The following PKNOX2 variants were observed in gnomAD, a reference collection of about 807,000 sequenced individuals.
PKNOX2 encodes homeobox protein PKNOX2.
Under a neutral mutation model 53.1 loss-of-function variants are expected in PKNOX2, and 14 were observed. The ratio of observed to expected loss-of-function variants is 0.26; its 90% CI spans 0.17 to 0.41. The LOEUF (loss-of-function observed/expected upper bound fraction) is 0.41, where lower values mean the gene tolerates loss of function less well. Ranked by LOEUF, PKNOX2 falls within the 10% of genes least tolerant of loss-of-function variation. The probability of loss-of-function intolerance (pLI) is 1.00; values close to 1 mark genes in which losing one functional copy is unlikely to be tolerated. For synonymous variants in PKNOX2, 257 were observed against 242.8 expected (o/e 1.06, Z -0.54); for missense variants, 496 against 602.8 (o/e 0.82, Z 1.85).
chr11:125,164,929 G>A (rs1190272360), intron 1 of PKNOX2, among the ~76,000 whole-genome samples, 153 bp downstream of exon 1: 4 of 151,852 alleles, frequency 2.6e-5, no homozygotes, highest in Non-Finnish European at 5.9e-5. Context: ...GGGCAAGGAG[G>A]AGAGAGGGAG....
chr11:125,413,582 G>T (rs1039118251), intron 10 of PKNOX2, among the ~76,000 whole-genome samples: 33 of 152,164 alleles, frequency 2.2e-4, no homozygotes, highest in African/African-American at 8.0e-4. Context: ...TACGATGCAG[G>T]GTCACAGGGG....
chr11:125,411,898 C>T (rs772324511), intron 10 of PKNOX2, 33 bp downstream of exon 10: 86 of 1,612,956 alleles, frequency 5.3e-5, no homozygotes, highest in Non-Finnish European at 6.5e-5. Flanking sequence ...TGTGGAGTCC[C>T]GGCATGGGGT....
At chr11:125,339,781 G>A (rs560620943) in intron 3 of PKNOX2, among the ~76,000 whole-genome samples, 1 of 152,364 alleles carries the variant, frequency 6.6e-6, no homozygotes, top group South Asian at 2.1e-4. Flanking sequence ...CGTTCCCGGA[G>A]CTCTGCTCCC....
At chr11:125,279,105 C>T (rs1242474358) in intron 2 of PKNOX2, among the ~76,000 whole-genome samples, 1 of 152,164 alleles carries the variant, frequency 6.6e-6, no homozygotes, top group Non-Finnish European at 1.5e-5. Context: ...AGATTCCGTC[C>T]CTGTCATCCC....
intron 2 of PKNOX2, among the ~76,000 whole-genome samples, chr11:125,293,956 A>C (rs540751304): frequency 2.8e-4 from 43 of 152,350 alleles, no homozygotes; most frequent in African/African-American, 9.6e-4. Flanking sequence ...ACATTGATTG[A>C]AGGAGGAAAA....
intron 3 of PKNOX2, among the ~76,000 whole-genome samples, chr11:125,349,518 C>T (rs1300932660): frequency 6.6e-6 from 1 of 152,176 alleles, no homozygotes; most frequent in African/African-American, 2.4e-5. Flanking sequence ...GGCGGTGAGG[C>T]CGACGGAACC....
intron 1 of PKNOX2, among the ~76,000 whole-genome samples, chr11:125,198,702 C>T (rs1021557006): frequency 4.6e-5 from 7 of 152,194 alleles, no homozygotes; most frequent in Non-Finnish European, 8.8e-5. Context: ...CTATGGGCCC[C>T]TCAGACACGG....
chr11:125,348,522 C>T (rs1427245124), intron 3 of PKNOX2, among the ~76,000 whole-genome samples: 3 of 152,204 alleles, frequency 2.0e-5, no homozygotes, highest in Non-Finnish European at 4.4e-5. Flanking sequence ...TGTCTTCTTT[C>T]GACGCGGGTC....
chr11:125,278,581 G>T (rs898146343), intron 2 of PKNOX2, among the ~76,000 whole-genome samples: 1 of 152,144 alleles, frequency 6.6e-6, no homozygotes, highest in African/African-American at 2.4e-5. Flanking sequence ...CGGGATGGCC[G>T]GGTCTTGGCT....
chr11:125,363,332 G>C (rs927273687), intron 4 of PKNOX2, among the ~76,000 whole-genome samples: 8 of 152,208 alleles, frequency 5.3e-5, no homozygotes, highest in Non-Finnish European at 4.4e-5. Flanking sequence ...TGGTTCTCTT[G>C]ATTAATCTGC....
chr11:125,305,603 A>C (rs570615402), intron 2 of PKNOX2, among the ~76,000 whole-genome samples: 4 of 152,308 alleles, frequency 2.6e-5, no homozygotes, highest in South Asian at 2.1e-4. Context: ...ACTCCAGCTC[A>C]CATTTTAATG....
At chr11:125,284,554 T>A (rs1226046561) in intron 2 of PKNOX2, among the ~76,000 whole-genome samples, 1 of 152,204 alleles carries the variant, frequency 6.6e-6, no homozygotes, top group Non-Finnish European at 1.5e-5. Context: ...AAGGCTATTT[T>A]TTGCAAATAA....
At chr11:125,223,586 A>G (rs2135514154) in intron 1 of PKNOX2, among the ~76,000 whole-genome samples, 1 of 152,296 alleles carries the variant, frequency 6.6e-6, no homozygotes, top group East Asian at 1.9e-4. Context: ...TTAGTCTGTT[A>G]GAAATATGTG....
At chr11:125,190,782 AAAT>A (rs1565465544) in intron 1 of PKNOX2, among the ~76,000 whole-genome samples, 1 of 152,078 alleles carries the variant, frequency 6.6e-6, no homozygotes. Context: ...CCCATCTTTT[AAAT>A]ACAGCGCTCT....
chr11:125,200,484 T>G (rs1053445859), intron 1 of PKNOX2, among the ~76,000 whole-genome samples: 1 of 152,206 alleles, frequency 6.6e-6, no homozygotes, highest in African/African-American at 2.4e-5. Flanking sequence ...CCACCTGTCA[T>G]GTAAGGTGTG....
chr11:125,344,757 G>T (rs894966979), intron 3 of PKNOX2, among the ~76,000 whole-genome samples: 4 of 152,210 alleles, frequency 2.6e-5, no homozygotes, highest in Admixed American at 1.3e-4. Flanking sequence ...GGGGCAGTAG[G>T]GAAGCAGGTG....
chr11:125,224,791 C>T (rs992906390), intron 1 of PKNOX2, among the ~76,000 whole-genome samples: 2 of 152,172 alleles, frequency 1.3e-5, no homozygotes, highest in Non-Finnish European at 2.9e-5. Flanking sequence ...CAGCCAGCAC[C>T]GTACACATCT....
At chr11:125,416,160 G>A (rs1489871210) in intron 10 of PKNOX2, among the ~76,000 whole-genome samples, 12 of 151,446 alleles carry the variant, frequency 7.9e-5, no homozygotes, top group East Asian at 3.9e-4. Context: ...AAAATTAGCC[G>A]GGCGTGGTGG....
chr11:125,186,799 T>C (rs1375598339), intron 1 of PKNOX2, among the ~76,000 whole-genome samples: 2 of 152,258 alleles, frequency 1.3e-5, no homozygotes, highest in African/African-American at 4.8e-5. Flanking sequence ...TCCAAGGTCA[T>C]GAAGATTTAT....
Sources: gnomAD v4.1 joint callset for allele counts (sites outside exome capture counted in the v4.1 genomes callset) on GRCh38, gnomAD v4.1.1 for gene constraint, MANE v1.5 for transcripts, NCBI Gene and HGNC (gene_info 2026-07-23, HGNC 2026-07-21) for gene names.